Variants in ZNF529 observed in about 807,000 individuals in gnomAD.
The protein encoded by ZNF529 is zinc finger protein 529.
ZNF529 carries 11 observed loss-of-function variants against 10.1 expected under a neutral mutation model. That is an observed-to-expected ratio of 1.09 (90% CI 0.69 to 1.81). ZNF529 has a LOEUF of 1.81. Among genes scored for constraint, ZNF529 ranks in the 40% most tolerant of loss-of-function variants. The pLI is 0.00. For missense variants in ZNF529, 624 were observed against 666.8 expected (o/e 0.94, Z 0.71); for synonymous variants, 204 against 215.7 (o/e 0.95, Z 0.47).
Position 36,554,777 on chromosome 19 carries a change from T to A in ZNF529, c.128A>T (p.Asp43Val). The A allele has an allele frequency of 1.3e-6, 2 of 1,566,932 alleles. No individual in the cohort carries two copies. Among genetic ancestry groups the A allele is most frequent in the Non-Finnish European group, 1.7e-6 (2 of 1,155,218 alleles). Residue 43 changes from aspartate (D) to valine (V), a missense_variant, in exon 4 of 5, where the codon GAT (aspartate) becomes GTT (valine). Coordinates refer to ENST00000591340, the MANE Select transcript of ZNF529 (RefSeq NM_020951.5). ...TMDHELVTLRDVVINFSQEEW... is the reference protein window; with the variant it reads ...TMDHELVTLRVVVINFSQEEW... ...CTCCTGAGAGAAGTTGATGACCACA[T>A]CCCTGAGTGTCACCAGTTCCTGAAA...
Position 36,547,531 on chromosome 19 carries a change from AG to A in ZNF529, c.1026del (p.Cys343ValfsTer67), listed in dbSNP as rs1253131571. Reference sequence around the variant, plus strand: ...GAACTAATTCTAAAAACCTTCTCACAGTGCATACATTTGTAGGGTTTCTCAC... The same window carrying A: ...GAACTAATTCTAAAAACCTTCTCACATGCATACATTTGTAGGGTTTCTCAC... ...HTGEKPYKCM[H>X]CEKVFRISSQ... On this transcript the variant is annotated frameshift_variant, in exon 5 of 5. Transcript: ENST00000591340. LOFTEE classifies it low-confidence loss of function (END_TRUNC). The A allele has an allele frequency of 1.2e-6, 2 of 1,613,360 alleles. No individual in the cohort carries two copies.
chr19:36,582,484 T>A (rs1014329935), intron 2 of ZNF529: 2 of 151,906 alleles, frequency 1.3e-5, no homozygotes, highest in African/African-American at 4.8e-5. Context: ...GACGGGCAGA[T>A]CACGAGGTCA....
chr19:36,589,990 C>T lies in ZNF529; in HGVS notation c.-127-289G>A, dbSNP rs2036668812. ...CACAAATGTTTGGAAATTAAACACA[C>T]TTCTATATAATCCATAGGTTAAAGA... On this transcript the variant is annotated intron_variant, in intron 1 of 4. Coordinates refer to the ZNF529 transcript ENST00000585960. Among the ~76,000 whole-genome samples the T allele has an allele frequency of 2.6e-5, 4 of 152,188 alleles. No individual in the cohort carries two copies. The South Asian group carries it at 8.3e-4, about 32-fold the overall frequency.
intron 2 of ZNF529, among the ~76,000 whole-genome samples, chr19:36,588,974 G>C (rs1370537870): frequency 1.4e-5 from 2 of 144,080 alleles, no homozygotes; most frequent in Admixed American, 1.4e-4. Flanking sequence ...ACAGGATCAC[G>C]CTCTGTCACC....
At chr19:36,562,333 T>C (rs2035734632) in intron 2 of ZNF529, among the ~76,000 whole-genome samples, 1 of 152,210 alleles carries the variant, frequency 6.6e-6, no homozygotes, top group Non-Finnish European at 1.5e-5. Flanking sequence ...TCAGGATGAA[T>C]CACATGATTT....
intron 3 of ZNF529, among the ~76,000 whole-genome samples, chr19:36,555,831 T>G (rs1208889412): frequency 1.3e-5 from 2 of 152,204 alleles, no homozygotes. Context: ...CAGATCCATC[T>G]GCTTTTTCCC....
At chr19:36,602,870 C>T (rs146153725) in intron 1 of ZNF529, among the ~76,000 whole-genome samples, 1 of 149,340 alleles carries the variant, frequency 6.7e-6, no homozygotes, top group East Asian at 2.0e-4. Context: ...GCGGAGGTTT[C>T]AGTGAGCCAA....
intron 2 of ZNF529, among the ~76,000 whole-genome samples, chr19:36,570,479 T>C (rs565491145): frequency 6.6e-6 from 1 of 152,320 alleles, no homozygotes; most frequent in African/African-American, 2.4e-5. Flanking sequence ...CATGTTTGTA[T>C]TCGCACATTG....
Position 36,547,730 on chromosome 19 carries a change from A to G in ZNF529, c.828T>C (p.His276=). ...AGCATTCAAAGTGTTTCTCACCATC[A>G]TGAACTCTTTGAAGTGGAGTAACTT... The part of the protein sequence containing the change: ...VGKVTPLQRV[H]DGEKHFECSF... Residue 276 remains histidine, a synonymous_variant, in exon 5 of 5, where the codon CAT becomes CAC. Coordinates refer to ENST00000591340, the MANE Select transcript of ZNF529 (RefSeq NM_020951.5). The G allele has an allele frequency of 1.2e-6, 2 of 1,613,896 alleles. No homozygotes were observed. Among genetic ancestry groups the G allele is most frequent in the Admixed American group, 3.3e-5 (2 of 60,018 alleles).
chr19:36,561,742 G>T lies in ZNF529; in HGVS notation c.15-5545C>A, dbSNP rs899141183. Among the ~76,000 whole-genome samples, 4 of 152,236 alleles carry T rather than the reference G, an allele frequency of 2.6e-5. No individual in the cohort carries two copies. In the East Asian group the frequency reaches 7.7e-4, roughly 29 times the overall value. On this transcript the variant is annotated intron_variant, in intron 2 of 4. Coordinates refer to ENST00000591340, the MANE Select transcript of ZNF529 (RefSeq NM_020951.5). ...ACCTATGAGAGCTGCAGTATGAACT[G>T]TGCACACCAAAGCCATGGTGGCAGG...
At chr19:36,602,935 G>GAAA (rs36003869) in intron 1 of ZNF529, among the ~76,000 whole-genome samples, 21 of 136,304 alleles carry the variant, frequency 1.5e-4, no homozygotes, top group Admixed American at 2.2e-4. Context: ...CGTCTCAAAA[G>GAAA]AAAAAAAAAA....
In ZNF529 at chr19:36,565,223, A is replaced by G. The variant is rs2035851603; in HGVS notation, c.14+7110T>C. On this transcript the variant is annotated intron_variant, in intron 2 of 4. Coordinates refer to ENST00000591340, the MANE Select transcript of ZNF529 (RefSeq NM_020951.5). Reference sequence around the variant, plus strand: ...CTCATGTTAACCAACCTGCAAATGTACCCCCTGAATCGAAAATAAAAGTTG... The same window carrying G: ...CTCATGTTAACCAACCTGCAAATGTGCCCCCTGAATCGAAAATAAAAGTTG... Among the ~76,000 whole-genome samples the G allele has an allele frequency of 3.3e-5, 5 of 152,080 alleles. No individual in the cohort carries two copies. The South Asian group carries it at 1.0e-3, about 32-fold the overall frequency.
At chr19:36,578,445 A>G (rs1007737131) in intron 2 of ZNF529, among the ~76,000 whole-genome samples, 1 of 150,796 alleles carries the variant, frequency 6.6e-6, no homozygotes, top group Non-Finnish European at 1.5e-5. Flanking sequence ...AGCTGGGACT[A>G]TAGGTGCCCG....
At chr19:36,553,078 A>G (rs988384002) in intron 4 of ZNF529, among the ~76,000 whole-genome samples, 3 of 152,322 alleles carry the variant, frequency 2.0e-5, no homozygotes, top group East Asian at 1.9e-4. Context: ...TCTTCTGTAC[A>G]ACAATAATAG....
intron 2 of ZNF529, 121 bp from the exon 3 acceptor site, chr19:36,556,318 CTT>C (rs1452205388): frequency 2.3e-4 from 148 of 643,728 alleles, no homozygotes; most frequent in Non-Finnish European, 3.6e-4. Flanking sequence ...GTTAAGAACT[CTT>C]AGAGTCTAGA....
At chr19:36,561,904 G>GTGACCCA (rs2035712436) in intron 2 of ZNF529, among the ~76,000 whole-genome samples, 2 of 152,226 alleles carry the variant, frequency 1.3e-5, no homozygotes, top group South Asian at 4.1e-4. Context: ...CTTGAGACCA[G>GTGACCCA]TGACCCATAC....
chr19:36,555,129 G>T (rs1393154700), intron 3 of ZNF529, among the ~76,000 whole-genome samples: 1 of 152,020 alleles, frequency 6.6e-6, no homozygotes, highest in Non-Finnish European at 1.5e-5. Context: ...ATCAATAAAG[G>T]TAAGTTTCTA....
chr19:36,590,317 G>T (rs950098106), intron 1 of ZNF529, among the ~76,000 whole-genome samples: 1 of 152,140 alleles, frequency 6.6e-6, no homozygotes. Context: ...CGAGGTTGCA[G>T]TGAGCCATGA....
intron 1 of ZNF529, among the ~76,000 whole-genome samples, chr19:36,603,908 G>C (rs531392648): frequency 6.6e-6 from 1 of 152,158 alleles, no homozygotes. Flanking sequence ...GGCTAGGCAC[G>C]GTGGCTCACG....
Sources: allele counts gnomAD v4.1 joint callset (sites outside exome capture counted in the v4.1 genomes callset), GRCh38; gene constraint gnomAD v4.1.1; transcripts MANE v1.5; gene names NCBI Gene and HGNC (gene_info 2026-07-23, HGNC 2026-07-21).